Variants in PUDP observed in about 807,000 individuals in gnomAD.
The protein encoded by PUDP is pseudouridine-5'-phosphatase.
In PUDP, 8 loss-of-function variants were observed where a neutral mutation model predicts 9.4. The observed-to-expected ratio is 0.85, with a 90% CI of 0.50 to 1.53. The LOEUF (loss-of-function observed/expected upper bound fraction) is 1.53. Among genes scored for constraint, PUDP ranks in the 40% most tolerant of loss-of-function variants. The pLI, the probability that PUDP is intolerant of heterozygous loss-of-function variation, is 0.00. For synonymous variants in PUDP, 99 were observed against 80.7 expected (o/e 1.23, Z -1.22); for missense variants, 188 against 189.7 (o/e 0.99, Z 0.05).
intron 1 of PUDP, among the ~76,000 whole-genome samples, chrX:7,130,621 T>G (rs1016163532): frequency 9.1e-6 from 1 of 110,495 alleles, no homozygotes; most frequent in Non-Finnish European, 1.9e-5. Flanking sequence ...TGAGACCAGC[T>G]TGGGCAACAT....
At chrX:6,987,558 T>C (rs1434154855) in intron 1 of PUDP, among the ~76,000 whole-genome samples, 1 of 112,217 alleles carries the variant, frequency 8.9e-6, no homozygotes, top group African/African-American at 3.2e-5. Flanking sequence ...ATAGCATACA[T>C]TGTATATCGT....
At chrX:7,050,661 C>T (rs1316317972) in intron 3 of PUDP, among the ~76,000 whole-genome samples, 189 bp from the exon 4 acceptor site, 1 of 112,297 alleles carries the variant, frequency 8.9e-6, no homozygotes, top group African/African-American at 3.2e-5. Flanking sequence ...GGGGTCTCCC[C>T]GCCGTGGCTC....
At chrX:7,077,933 T>A (rs1326830735) in intron 2 of PUDP, among the ~76,000 whole-genome samples, 1 of 112,601 alleles carries the variant, frequency 8.9e-6, no homozygotes, top group East Asian at 2.8e-4. Context: ...AACACTTCAA[T>A]CATTCTTCAC....
chrX:6,707,265 C>T (rs1177920922), intron 1 of PUDP, among the ~76,000 whole-genome samples: 1 of 111,192 alleles, frequency 9.0e-6, no homozygotes, highest in African/African-American at 3.3e-5. Context: ...TGGCTGGGTG[C>T]ATCCTTCTAC....
chrX:7,000,598 T>TA (rs1324462116), intron 1 of PUDP, among the ~76,000 whole-genome samples: 1 of 108,279 alleles, frequency 9.2e-6, no homozygotes, highest in Non-Finnish European at 1.9e-5. Context: ...AAAATATAAA[T>TA]AAAAAATATA....
At chrX:6,838,234 T>C (rs1273230124) in intron 3 of PUDP, among the ~76,000 whole-genome samples, 3 of 112,612 alleles carry the variant, frequency 2.7e-5, no homozygotes, top group Non-Finnish European at 5.6e-5. Flanking sequence ...CTCAGATAAT[T>C]TGTATTCTTT....
At chrX:6,957,844 C>T (rs1928650591) in intron 3 of PUDP, among the ~76,000 whole-genome samples, 1 of 111,901 alleles carries the variant, frequency 8.9e-6, no homozygotes, top group African/African-American at 3.2e-5. Flanking sequence ...GTGGTGATCA[C>T]AATGCTGGTA....
intron 3 of PUDP, among the ~76,000 whole-genome samples, chrX:6,839,786 C>G (rs1434877198): frequency 9.0e-6 from 1 of 110,956 alleles, no homozygotes; most frequent in Non-Finnish European, 1.9e-5. Context: ...ATAGTACAGC[C>G]ACTTTGGAAG....
chrX:7,133,858 C>T (rs1473440601), intron 1 of PUDP, among the ~76,000 whole-genome samples: 1 of 112,145 alleles, frequency 8.9e-6, no homozygotes, highest in Non-Finnish European at 1.9e-5. Flanking sequence ...GTCCCGTCCC[C>T]TCCCTATGAG....
chrX:6,958,664 G>A (rs1393164417), intron 3 of PUDP, among the ~76,000 whole-genome samples: 10 of 107,549 alleles, frequency 9.3e-5, no homozygotes, highest in Admixed American at 3.0e-4. Context: ...CCTGGGAAGC[G>A]GAGGTTGCAG....
upstream of PUDP, among the ~76,000 whole-genome samples, chrX:6,722,235 C>T (rs1412067940): frequency 9.0e-6 from 1 of 111,141 alleles, no homozygotes; most frequent in African/African-American, 3.3e-5. Flanking sequence ...CACTTGAGGT[C>T]AGCAGTTCAA....
intron 3 of PUDP, among the ~76,000 whole-genome samples, chrX:6,797,022 G>C (rs1260608178): frequency 9.0e-6 from 1 of 111,186 alleles, no homozygotes; most frequent in Non-Finnish European, 1.9e-5. Flanking sequence ...ACCTAAGTGA[G>C]GAATTAACAA....
intron 3 of PUDP, among the ~76,000 whole-genome samples, chrX:6,955,143 A>C (rs1297441427): frequency 8.9e-6 from 1 of 112,236 alleles, no homozygotes; most frequent in East Asian, 2.8e-4. Flanking sequence ...TTGCTGAACA[A>C]GATTAAATTC....
At chrX:6,930,808 A>T (rs149780591) in intron 3 of PUDP, among the ~76,000 whole-genome samples, 1,753 of 110,906 alleles carry the variant, frequency 0.016, 39 homozygotes, top group African/African-American at 0.054. Flanking sequence ...CAATTCCTTT[A>T]GATCAAGGTC....
intron 3 of PUDP, among the ~76,000 whole-genome samples, chrX:7,071,567 A>C (rs1930733150): frequency 9.0e-6 from 1 of 110,558 alleles, no homozygotes; most frequent in Non-Finnish European, 1.9e-5. Context: ...CTCTGTAAAA[A>C]CGCTGAGCAT....
At chrX:7,082,791 C>T (rs1931141464) in intron 2 of PUDP, among the ~76,000 whole-genome samples, 1 of 112,652 alleles carries the variant, frequency 8.9e-6, no homozygotes, top group Admixed American at 9.3e-5. Context: ...CTTTGGCATG[C>T]TGTCTTTCTT....
intron 3 of PUDP, among the ~76,000 whole-genome samples, chrX:6,824,291 G>T (rs959734096): frequency 9.0e-6 from 1 of 111,562 alleles, no homozygotes; most frequent in Non-Finnish European, 1.9e-5. Context: ...CACCATGATT[G>T]TAAGTTTCCT....
In PUDP at chrX:7,021,821, G is replaced by A. The variant is rs145716141; in HGVS notation, c.205-43478C>T. Among the ~76,000 whole-genome samples, 432 of 112,126 alleles carry A rather than the reference G, an allele frequency of 3.9e-3. 4 individuals carry two copies. Among genetic ancestry groups the A allele is most frequent in the Non-Finnish European group, 6.6e-3 (349 of 53,211 alleles). ...AATCCTACCTCGATTTCTGAGACTT[G>A]CTGTAAACTCATAAAAGCAAGTGAA... On this transcript the variant is annotated intron_variant and NMD_transcript_variant, in intron 1 of 3. Coordinates refer to the PUDP transcript ENST00000655425.
intron 3 of PUDP, among the ~76,000 whole-genome samples, chrX:6,745,948 A>G (rs758497466): frequency 1.0e-3 from 112 of 111,899 alleles, no homozygotes; most frequent in African/African-American, 3.3e-3. Flanking sequence ...CCTGGCTCCC[A>G]TGTCCTCTTT....
Sources: allele counts gnomAD v4.1 joint callset (sites outside exome capture counted in the v4.1 genomes callset), GRCh38; gene constraint gnomAD v4.1.1; transcripts MANE v1.5; gene names NCBI Gene and HGNC (gene_info 2026-07-23, HGNC 2026-07-21).